The following MNAT1 variants were observed in gnomAD, a reference collection of about 807,000 sequenced individuals.
MNAT1 encodes CDK-activating kinase assembly factor MAT1.
In MNAT1, 43 loss-of-function variants were observed where a neutral mutation model predicts 42.0. That is an observed-to-expected ratio of 1.02 (90% confidence interval 0.80 to 1.32). MNAT1 has a LOEUF of 1.32. Among genes scored for constraint, MNAT1 ranks in the 40% most tolerant of loss-of-function variants. The pLI is 0.00. For missense variants in MNAT1, 306 were observed against 350.4 expected (o/e 0.87, Z 1.01); for synonymous variants, 118 against 120.0 (o/e 0.98, Z 0.11).
chr14:60,890,363 G>GT (rs2034807983), intron 7 of MNAT1, among the ~76,000 whole-genome samples: 1 of 152,116 alleles, frequency 6.6e-6, no homozygotes, highest in Admixed American at 6.6e-5. Context: ...TGAGATACTG[G>GT]CTTTTAGTTT....
At position 60,968,714 on chromosome 14, in the gene MNAT1, C is replaced by T. The variant is rs4151411; in HGVS notation, c.*365C>T. ...GTTTTTCTCTTATTACAGTGTTTTACTTGAACACATTTTAAATACCATTTT... is the reference window on the plus strand; with the variant it reads ...GTTTTTCTCTTATTACAGTGTTTTATTTGAACACATTTTAAATACCATTTT... On this transcript the variant is annotated 3_prime_UTR_variant, in exon 8 of 8. Transcript: ENST00000261245. 334 of 313,608 alleles carry T rather than the reference C, an allele frequency of 1.1e-3. No homozygotes were observed. Among genetic ancestry groups the T allele is most frequent in the Non-Finnish European group, 1.7e-3 (290 of 169,010 alleles). The allele number at this position is 313,608 out of a possible 1,614,324, so 19.4% of individuals were successfully genotyped here.
intron 1 of MNAT1, among the ~76,000 whole-genome samples, chr14:60,791,926 T>G (rs2031833622): frequency 6.6e-6 from 1 of 152,138 alleles, no homozygotes; most frequent in Admixed American, 6.5e-5. Flanking sequence ...CAACTCATGG[T>G]GACGGTTAGG....
chr14:60,966,573 C>T (rs893523863), intron 7 of MNAT1, among the ~76,000 whole-genome samples: 4 of 152,094 alleles, frequency 2.6e-5, no homozygotes, highest in Non-Finnish European at 4.4e-5. Context: ...AGTGCAGTGG[C>T]GAAATCTCGG....
chr14:60,855,764 T>TC (rs1038588416), intron 6 of MNAT1, among the ~76,000 whole-genome samples: 1 of 152,054 alleles, frequency 6.6e-6, no homozygotes. Context: ...TCTTGGCCCC[T>TC]CCCCCCAACT....
At chr14:60,945,136 A>G (rs1260691940) in intron 7 of MNAT1, among the ~76,000 whole-genome samples, 1 of 152,248 alleles carries the variant, frequency 6.6e-6, no homozygotes, top group Non-Finnish European at 1.5e-5. Context: ...CTCAAAGCTT[A>G]GTAGTATACT....
rs529335549 is a variant in MNAT1, at chr14:60,912,609, G to T, written c.809+32774G>T. 2.8e-4 allele frequency among the ~76,000 whole-genome samples: 42 copies of T among 152,268 alleles called. 1 individual carries two copies. The South Asian group carries it at 8.7e-3, about 32-fold the overall frequency. On this transcript the variant is annotated intron_variant, in intron 7 of 7. Transcript: ENST00000261245. Reference sequence around the variant, plus strand: ...TTAGTTTGGCTGGATATTAAATTCTGGGTTGAAAATTCTTTTCTTTAAGAA... The same window carrying T: ...TTAGTTTGGCTGGATATTAAATTCTTGGTTGAAAATTCTTTTCTTTAAGAA...
At chr14:60,913,859 G>T (rs906297938) in intron 7 of MNAT1, among the ~76,000 whole-genome samples, 1 of 152,224 alleles carries the variant, frequency 6.6e-6, no homozygotes, top group African/African-American at 2.4e-5. Context: ...AAAGCTGTCA[G>T]ACAGGGACAT....
At chr14:60,909,722 T>C (rs2035302956) in intron 7 of MNAT1, among the ~76,000 whole-genome samples, 1 of 152,236 alleles carries the variant, frequency 6.6e-6, no homozygotes, top group South Asian at 2.1e-4. Flanking sequence ...TTTTGGTTAC[T>C]GTAGCCTTGT....
intron 7 of MNAT1, among the ~76,000 whole-genome samples, chr14:60,917,078 G>A (rs1024996252): frequency 4.6e-5 from 7 of 152,166 alleles, no homozygotes; most frequent in Non-Finnish European, 7.3e-5. Context: ...GTTAATTATG[G>A]TAAGAAAAGT....
chr14:60,867,176 T>C (rs2034220958), intron 6 of MNAT1, among the ~76,000 whole-genome samples: 1 of 152,104 alleles, frequency 6.6e-6, no homozygotes, highest in Admixed American at 6.5e-5. Flanking sequence ...AGCTAGATAG[T>C]TATAGAAATT....
intron 7 of MNAT1, among the ~76,000 whole-genome samples, chr14:60,943,046 G>T (rs1382715854): frequency 7.3e-5 from 5 of 68,548 alleles, no homozygotes; most frequent in East Asian, 7.9e-4. Context: ...GTGTGTGTGT[G>T]TGTGCGCTTT....
intron 6 of MNAT1, among the ~76,000 whole-genome samples, chr14:60,872,671 CA>C (rs762413195): frequency 2.5e-5 from 1 of 39,736 alleles, no homozygotes; most frequent in Non-Finnish European, 1.6e-4. Flanking sequence ...AATACATAGC[CA>C]TTTTTTTTTT....
intron 6 of MNAT1, among the ~76,000 whole-genome samples, chr14:60,878,532 T>C (rs939050362): frequency 1.3e-5 from 2 of 152,150 alleles, no homozygotes; most frequent in Non-Finnish European, 2.9e-5. Flanking sequence ...GAAAGGACTC[T>C]GGTGAAGCTT....
chr14:60,937,655 A>G (rs186818247), intron 7 of MNAT1, among the ~76,000 whole-genome samples: 1 of 152,326 alleles, frequency 6.6e-6, no homozygotes, highest in East Asian at 1.9e-4. Flanking sequence ...GTTTGAAGTC[A>G]GGCAGCATGA....
In MNAT1 at chr14:60,751,681, G is replaced by T. The variant is rs1225033020; in HGVS notation, c.89+16730G>T. The stretch of plus-strand genomic sequence containing the variant: ...CAAATATATATATTCTCTACAAAAA[G>T]ATAAGAAAATTTAAAATTTAACAGA... On this transcript the variant is annotated intron_variant, in intron 1 of 7. Coordinates refer to ENST00000261245, the MANE Select transcript of MNAT1 (RefSeq NM_002431.4). 2.6e-5 allele frequency among the ~76,000 whole-genome samples: 4 copies of T among 151,696 alleles called. No homozygotes were observed. The East Asian group carries it at 7.7e-4, about 29-fold the overall frequency.
rs1382810283 is a variant in MNAT1 at position 60,935,594 on chromosome 14, G to A, written c.810-32635G>A. On this transcript the variant is annotated intron_variant, in intron 7 of 7. Coordinates refer to ENST00000261245, the MANE Select transcript of MNAT1 (RefSeq NM_002431.4). ...TAACAAATACTGTGAGTGTGTTATG[G>A]GCACATAATGTGTTTGGACATTGTG... Among the ~76,000 whole-genome samples, 7 of 152,046 alleles carry A rather than the reference G, an allele frequency of 4.6e-5. No homozygotes were observed. The East Asian group carries it at 1.4e-3, about 29-fold the overall frequency.
chr14:60,903,139 T>C (rs1489740250), intron 7 of MNAT1, among the ~76,000 whole-genome samples: 1 of 151,502 alleles, frequency 6.6e-6, no homozygotes, highest in African/African-American at 2.4e-5. Context: ...TTAAGTGTTT[T>C]TTTGTATCAC....
At chr14:60,802,326 A>G (rs2032229675) in intron 3 of MNAT1, among the ~76,000 whole-genome samples, 1 of 152,192 alleles carries the variant, frequency 6.6e-6, no homozygotes. Context: ...AAAAGAGTAG[A>G]TTTTCAATGT....
At chr14:60,913,778 A>T (rs978107882) in intron 7 of MNAT1, among the ~76,000 whole-genome samples, 4 of 152,046 alleles carry the variant, frequency 2.6e-5, no homozygotes, top group African/African-American at 9.7e-5. Context: ...GGGGTCAGGG[A>T]CCCTCTTGAG....
Sources: allele counts gnomAD v4.1 joint callset (sites outside exome capture counted in the v4.1 genomes callset), GRCh38; gene constraint gnomAD v4.1.1; transcripts MANE v1.5; gene names NCBI Gene and HGNC (gene_info 2026-07-23, HGNC 2026-07-21).